Variants in TXNRD2 observed in about 807,000 individuals in gnomAD.
TXNRD2 encodes thioredoxin reductase 2, mitochondrial.
A neutral mutation model predicts 70.8 loss-of-function variants in TXNRD2; 67 were observed. The observed-to-expected ratio is 0.95, with a 90% CI of 0.78 to 1.16. The LOEUF (loss-of-function observed/expected upper bound fraction) is 1.16, where lower values mean the gene tolerates loss of function less well. TXNRD2 is among the 50% of genes most tolerant of loss of function. The pLI is 0.00. For synonymous variants in TXNRD2, 301 were observed against 295.8 expected (o/e 1.02, Z -0.18); for missense variants, 644 against 719.9 (o/e 0.89, Z 1.21).
intron 10 of TXNRD2, among the ~76,000 whole-genome samples, chr22:19,896,125 G>A (rs1939495305): frequency 6.6e-6 from 1 of 152,078 alleles, no homozygotes. Flanking sequence ...GTGAAACACT[G>A]TCTCTACTAA....
intron 1 of TXNRD2, among the ~76,000 whole-genome samples, 166 bp from the exon 2 acceptor site, chr22:19,931,264 A>G (rs1941349895): frequency 1.3e-5 from 2 of 152,234 alleles, no homozygotes; most frequent in Non-Finnish European, 2.9e-5. Flanking sequence ...GTGCAAATCC[A>G]GAGACCAAGC....
intron 10 of TXNRD2, 112 bp from the exon 11 acceptor site, chr22:19,895,693 A>G: frequency 7.9e-7 from 1 of 1,270,596 alleles, no homozygotes; most frequent in East Asian, 2.5e-5. Flanking sequence ...GTCTGTGCGG[A>G]AGACGGGGTG....
chr22:19,940,920 C>A (rs895837045), intron 1 of TXNRD2, among the ~76,000 whole-genome samples: 1 of 152,158 alleles, frequency 6.6e-6, no homozygotes, highest in Non-Finnish European at 1.5e-5. Context: ...CCGAGTCCAC[C>A]GCGGGCAGAG....
chr22:19,931,009 C>T (rs1048590151), intron 2 of TXNRD2, 21 bp downstream of exon 2: 96 of 1,612,630 alleles, frequency 6.0e-5, no homozygotes, highest in Non-Finnish European at 7.3e-5. Context: ...GGCCTTGCCA[C>T]GAAGTATACA....
intron 8 of TXNRD2, 132 bp from the exon 9 acceptor site, chr22:19,899,200 A>G: frequency 8.5e-7 from 1 of 1,174,306 alleles, no homozygotes; most frequent in Non-Finnish European, 1.2e-6. Flanking sequence ...CTGTTCAAAC[A>G]GCTTGCCCCA....
intron 8 of TXNRD2, among the ~76,000 whole-genome samples, chr22:19,905,867 T>C (rs1354519211): frequency 1.5e-5 from 2 of 130,068 alleles, no homozygotes; most frequent in Non-Finnish European, 3.2e-5. Flanking sequence ...CCCAAGGAAG[T>C]AAAAGAAAAT....
chr22:19,923,701 C>T (rs1452471597), intron 2 of TXNRD2, among the ~76,000 whole-genome samples: 1 of 152,064 alleles, frequency 6.6e-6, no homozygotes, highest in East Asian at 1.9e-4. Flanking sequence ...ACTCGGGAGG[C>T]TGAGGCAGAA....
chr22:19,931,533 C>T (rs1264062276), intron 1 of TXNRD2, among the ~76,000 whole-genome samples: 3 of 152,200 alleles, frequency 2.0e-5, no homozygotes, highest in East Asian at 1.9e-4. Flanking sequence ...GACATAGACC[C>T]GGAAGGGCCC....
At chr22:19,902,225 T>C (rs1043161805) in intron 8 of TXNRD2, among the ~76,000 whole-genome samples, 1 of 152,324 alleles carries the variant, frequency 6.6e-6, no homozygotes, top group South Asian at 2.1e-4. Context: ...GTTTTCCATG[T>C]GATCCCAGCA....
intron 8 of TXNRD2, among the ~76,000 whole-genome samples, chr22:19,900,549 GA>G: frequency 6.6e-6 from 1 of 152,264 alleles, no homozygotes; most frequent in Non-Finnish European, 1.5e-5. Flanking sequence ...AGGAGATCGA[GA>G]CCATCCTGGC....
chr22:19,918,554 G>A (rs1401661016), intron 4 of TXNRD2, among the ~76,000 whole-genome samples: 1 of 152,070 alleles, frequency 6.6e-6, no homozygotes, highest in African/African-American at 2.4e-5. Context: ...GAAGAGCTCA[G>A]CTGAAGCGGC....
chr22:19,915,920 G>A lies in TXNRD2; in HGVS notation c.450-77C>T, dbSNP rs1940618763. On this transcript the variant is annotated intron_variant, in intron 5 of 17. Coordinates refer to ENST00000400521, the MANE Select transcript of TXNRD2 (RefSeq NM_006440.5). ...ACCAACTGGATCAATAGGGAACACT[G>A]GTAAAAGGGAGCTCCAGCCCCCAGC... 5.2e-6 allele frequency: 7 copies of A among 1,350,630 alleles called. No individual in the cohort carries two copies. The East Asian group carries it at 1.2e-4, about 22-fold the overall frequency. 83.7% of individuals were successfully genotyped at this position (1,350,630 alleles called of 1,614,324 possible).
At position 19,918,249 on chromosome 22, in the gene TXNRD2, A is replaced by C. The variant is rs371300429; in HGVS notation, c.375-32T>G. The C allele has an allele frequency of 6.5e-4, 1,042 of 1,592,818 alleles. 6 individuals are homozygous for C. Among genetic ancestry groups the C allele is most frequent in the Admixed American group, 2.2e-4 (13 of 59,972 alleles). ...AGATACGAAACAAAATGTAAAATCC[A>C]CAACACAGGTGTTAGCTGCAGGGCC... On this transcript the variant is annotated intron_variant, in intron 4 of 17. Transcript: ENST00000400521.
intron 1 of TXNRD2, chr22:19,933,507 G>A (rs1287688955): frequency 8.5e-6 from 11 of 1,289,156 alleles, no homozygotes; most frequent in East Asian, 5.6e-5. Context: ...CTGCAGCCTC[G>A]CACTGTGCCC....
chr22:19,907,097 C>T (rs1479102074), intron 8 of TXNRD2, among the ~76,000 whole-genome samples: 2 of 104,530 alleles, frequency 1.9e-5, no homozygotes, highest in African/African-American at 3.8e-5. Context: ...AGAGTGTGGG[C>T]GCCATGGGTA....
At position 19,928,734 on chromosome 22, in the gene TXNRD2, C is replaced by T. The variant is rs183126102; in HGVS notation, c.172+2296G>A. On this transcript the variant is annotated intron_variant, in intron 2 of 17. Transcript: ENST00000400521. Reference sequence around the variant, plus strand: ...AAAAGGTAATTAAGTTGGCTGGACACGGTGACTCATGCCTGTAATCCCAGA... The same window carrying T: ...AAAAGGTAATTAAGTTGGCTGGACATGGTGACTCATGCCTGTAATCCCAGA... Among the ~76,000 whole-genome samples, 17 of 152,266 alleles carry T rather than the reference C, an allele frequency of 1.1e-4. 1 individual carries two copies. The highest frequency in any genetic ancestry group is 8.3e-4 in the South Asian group (4 of 4,828).
At chr22:19,931,932 G>A (rs755402856) in intron 1 of TXNRD2, among the ~76,000 whole-genome samples, 2 of 151,964 alleles carry the variant, frequency 1.3e-5, no homozygotes, top group South Asian at 2.1e-4. Flanking sequence ...AGGCCAAGGC[G>A]GGTGGATCAC....
In TXNRD2 at chr22:19,883,458, C is replaced by G; in HGVS notation, c.953G>C (p.Arg318Pro). 6.2e-7 allele frequency: 1 copy of G among 1,614,030 alleles called. No individual in the cohort carries two copies. Among genetic ancestry groups the G allele is most frequent in the Non-Finnish European group, 8.5e-7 (1 of 1,180,032 alleles). ...TFDTVLWAIG[R>P]VPDTRSLNLE... ...ATTCAGACTTCTGGTGTCTGGGACT[C>G]GACCTGAAGGAAACAGAGAGGGGGC... Residue 318 changes from arginine (R) to proline (P), a missense_variant, in exon 12 of 18, where the codon CGA becomes CCA. Physicochemically the swap from Arg to Pro is moderately radical, Grantham distance 103 (BLOSUM62 -2). Transcript: ENST00000400521.
chr22:19,921,971 A>G (rs1940935699), intron 2 of TXNRD2, among the ~76,000 whole-genome samples: 1 of 152,198 alleles, frequency 6.6e-6, no homozygotes, highest in South Asian at 2.1e-4. Flanking sequence ...CCCACCTAAC[A>G]AATCTTTTGC....
Sources: allele counts gnomAD v4.1 joint callset (sites outside exome capture counted in the v4.1 genomes callset), GRCh38; gene constraint gnomAD v4.1.1; transcripts MANE v1.5; gene names NCBI Gene and HGNC (gene_info 2026-07-23, HGNC 2026-07-21).